The following OSR1 variants were observed in gnomAD, a reference collection of about 807,000 sequenced individuals.
OSR1 encodes the protein odd-skipped related transcription factor 1, also known as protein odd-skipped-related 1.
A neutral mutation model predicts 15.7 loss-of-function variants in OSR1; 3 were observed. The observed-to-expected ratio is 0.19, with a 90% CI of 0.09 to 0.50. The LOEUF is 0.50. Ranked by LOEUF, OSR1 falls within the 20% of genes least tolerant of loss-of-function variation. The pLI is 0.97. For missense variants in OSR1, 271 were observed against 351.1 expected, an observed-to-expected ratio of 0.77 and a Z score of 1.82; for synonymous variants, 166 against 152.7, an observed-to-expected ratio of 1.09 and a Z score of -0.64.
At chr2:19,353,944 G>T in intron 1 of OSR1, 107 bp from the exon 2 acceptor site, 2 of 922,322 alleles carry the variant, frequency 2.2e-6, no homozygotes, top group African/African-American at 1.7e-5. Context: ...CTCACACCCA[G>T]CGCAGGAGCT....
Position 19,353,527 on chromosome 2 carries a change from A to G in OSR1, c.279T>C (p.Pro93=). The change falls in exon 2 of 3, where the codon CCT becomes CCC. Residue 93 remains proline (P), a synonymous_variant. Coordinates refer to ENST00000272223, the MANE Select transcript of OSR1 (RefSeq NM_145260.3). The part of the protein sequence containing the change: ...RFQLPAFPWF[P]HVIQPKPEIT... Reference sequence around the variant, plus strand: ...TCTCGGGCTTGGGTTGAATGACATGAGGGAACCAGGGAAAGGCGGGCAGCT... The same window carrying G: ...TCTCGGGCTTGGGTTGAATGACATGGGGGAACCAGGGAAAGGCGGGCAGCT... The G allele has an allele frequency of 6.2e-7, 1 of 1,614,226 alleles. No homozygotes were observed. Among genetic ancestry groups the G allele is most frequent in the African/African-American group, 1.3e-5 (1 of 75,076 alleles).
At chr2:19,345,098 A>T in the OSR1 span, among the ~76,000 whole-genome samples, 4 of 152,314 alleles carry the variant, frequency 2.6e-5, 1 homozygote, top group South Asian at 8.3e-4. Context: ...CTACAATAAG[A>T]AAATGACAGT....
chr2:19,357,119 C>G lies in OSR1; in HGVS notation c.-33+1222G>C, dbSNP rs1360707502. ...CTAACGAACCCATTGGCAAGGCGGT[C>G]ATCCGGCTGCACTTAAATGTCCGCT... On this transcript the variant is annotated intron_variant, in intron 1 of 2. Coordinates refer to ENST00000272223, the MANE Select transcript of OSR1 (RefSeq NM_145260.3). The surrounding 1 kb of genome is among the most constrained non-coding windows in gnomAD (Gnocchi z 5.0). 6.6e-6 allele frequency among the ~76,000 whole-genome samples: 1 copy of G among 152,166 alleles called. No homozygotes were observed. The highest frequency in any genetic ancestry group is 1.5e-5 in the Non-Finnish European group (1 of 68,044).
chr2:19,352,692 A>G (rs1289031736), intron 2 of OSR1, among the ~76,000 whole-genome samples: 1 of 152,212 alleles, frequency 6.6e-6, no homozygotes, highest in Non-Finnish European at 1.5e-5. Context: ...GTCAACACTG[A>G]AGATGAGTAA....
At chr2:19,345,144 A>G in the OSR1 span, among the ~76,000 whole-genome samples, 1 of 152,188 alleles carries the variant, frequency 6.6e-6, no homozygotes, top group Admixed American at 6.5e-5. Context: ...ATACACACTA[A>G]AGTGTCAGTT....
rs545822835 is a variant in OSR1 at position 19,358,127 on chromosome 2, C to G, written c.-33+214G>C. ...GAGGCCCGCCCCCCTTAATCCCCAG[C>G]GGTCAGAGGCCGAGGACCCCGCGCA... On this transcript the variant is annotated intron_variant, in intron 1 of 2. Transcript: ENST00000272223. 2.1e-3 allele frequency among the ~76,000 whole-genome samples: 318 copies of G among 152,380 alleles called. 3 individuals carry two copies. The highest frequency in any genetic ancestry group is 2.0e-3 in the Non-Finnish European group (135 of 68,036).
Position 19,352,338 on chromosome 2 carries a change from G to C in OSR1, c.738C>G (p.Leu246=). ...CGKGFCQSRT[L]AVHKTLHSQV... ...GTGAGTGTAGCGTCTTGTGGACAGC[G>C]AGAGTCCTGGACTGGCAGAATCCTT... The change falls in exon 3 of 3, where the codon CTC becomes CTG. Residue 246 remains leucine (L), a synonymous_variant. Transcript: ENST00000272223. 1 of 1,614,110 alleles carries C rather than the reference G, an allele frequency of 6.2e-7. No individual in the cohort carries two copies. The highest frequency in any genetic ancestry group is 8.5e-7 in the Non-Finnish European group (1 of 1,179,948).
chr2:19,352,753 G>A (rs1286486693), intron 2 of OSR1, among the ~76,000 whole-genome samples: 1 of 152,214 alleles, frequency 6.6e-6, no homozygotes, highest in East Asian at 1.9e-4. Flanking sequence ...GAAGATGGTA[G>A]CCGCTAGCAT....
chr2:19,355,691 C>T (rs1664934446), intron 1 of OSR1: 1 of 152,234 alleles, frequency 6.6e-6, no homozygotes, highest in Non-Finnish European at 1.5e-5. Context: ...AATTTAGCCT[C>T]AGGGCAAGAG....
chr2:19,352,738 C>A (rs1664864607), intron 2 of OSR1, among the ~76,000 whole-genome samples: 1 of 152,184 alleles, frequency 6.6e-6, no homozygotes, highest in African/African-American at 2.4e-5. Flanking sequence ...TCGACCTGCG[C>A]TGTCGAAGAT....
chr2:19,349,650 C>CTT (rs1375014565), downstream of OSR1, among the ~76,000 whole-genome samples: 4 of 152,128 alleles, frequency 2.6e-5, no homozygotes, highest in Admixed American at 2.6e-4. Context: ...TTCCTGAGGC[C>CTT]CCGGGAACTG....
At chr2:19,344,985 T>C in the OSR1 span, among the ~76,000 whole-genome samples, 1 of 152,026 alleles carries the variant, frequency 6.6e-6, no homozygotes, top group African/African-American at 2.4e-5. Flanking sequence ...AATATAGACA[T>C]CACAATAAAT....
chr2:19,353,001 G>A (rs1664870573), intron 2 of OSR1, 140 bp downstream of exon 2: 4 of 1,096,296 alleles, frequency 3.6e-6, no homozygotes, highest in South Asian at 1.6e-5. Flanking sequence ...GATCTCCTAG[G>A]CTTTCCTTCT....
chr2:19,353,046 T>C (rs1299496406), intron 2 of OSR1, 95 bp downstream of exon 2: 5 of 1,432,162 alleles, frequency 3.5e-6, no homozygotes, highest in Non-Finnish European at 4.7e-6. Context: ...TCCAGAGGCT[T>C]GGAGCCAGTA....
rs1484772799 is a variant in OSR1, at chr2:19,352,185, C to T, written c.*90G>A. Reference sequence around the variant, plus strand: ...AGAGGTGGAAGGTCCCGAGCGAGCGCCTCTCCCGCTGCCCGCCAGAGTCAG... The same window carrying T: ...AGAGGTGGAAGGTCCCGAGCGAGCGTCTCTCCCGCTGCCCGCCAGAGTCAG... On this transcript the variant is annotated 3_prime_UTR_variant, in exon 3 of 3. Coordinates refer to ENST00000272223, the MANE Select transcript of OSR1 (RefSeq NM_145260.3). The T allele has an allele frequency of 4.8e-6, 7 of 1,449,464 alleles. No individual in the cohort carries two copies. Among genetic ancestry groups the T allele is most frequent in the East Asian group, 2.3e-5 (1 of 43,310 alleles). 89.8% of individuals were successfully genotyped at this position (1,449,464 alleles called of 1,614,324 possible).
chr2:19,345,438 T>C, the OSR1 span, among the ~76,000 whole-genome samples: 1 of 152,088 alleles, frequency 6.6e-6, no homozygotes, highest in Non-Finnish European at 1.5e-5. Context: ...TGGTTTTAGG[T>C]CTAACGTTTA....
chr2:19,349,826 G>A (rs1031896883), downstream of OSR1, among the ~76,000 whole-genome samples: 2 of 152,160 alleles, frequency 1.3e-5, no homozygotes, highest in Non-Finnish European at 2.9e-5. Context: ...CATGCACTCT[G>A]GTTGTTTTGG....
rs185082410 is a variant in OSR1, at chr2:19,352,883, G to A, written c.665+258C>T. On this transcript the variant is annotated intron_variant, in intron 2 of 2. Coordinates refer to ENST00000272223, the MANE Select transcript of OSR1 (RefSeq NM_145260.3). ...TCACACCCCTGAGGATGGAGGAAGT[G>A]GGGCAGAGGAAGCTGTGTGCTTGTC... 3.5e-4 allele frequency among the ~76,000 whole-genome samples: 53 copies of A among 152,336 alleles called. 1 individual carries two copies. The East Asian group carries it at 9.4e-3, about 27-fold the overall frequency.
At chr2:19,345,135 T>C in the OSR1 span, among the ~76,000 whole-genome samples, 1 of 152,190 alleles carries the variant, frequency 6.6e-6, no homozygotes, top group Non-Finnish European at 1.5e-5. Flanking sequence ...GAGTTTTTAA[T>C]ACACACTAAA....
Sources: gnomAD v4.1 joint callset for allele counts (sites outside exome capture counted in the v4.1 genomes callset) on GRCh38, gnomAD v4.1.1 for gene constraint, Gnocchi (gnomAD v3.1) non-coding constraint, MANE v1.5 for transcripts, NCBI Gene and HGNC (gene_info 2026-07-23, HGNC 2026-07-21) for gene names.